Variants in ZFP14 observed in about 807,000 individuals in gnomAD.
The protein encoded by ZFP14 is ZFP14 zinc finger protein, also known as zinc finger protein 14 homolog.
A neutral mutation model predicts 54.5 loss-of-function variants in ZFP14; 22 were observed. That is an observed-to-expected ratio of 0.40 (90% CI 0.29 to 0.58). ZFP14 has a LOEUF of 0.58. Among genes scored for constraint, ZFP14 ranks in the 20% least tolerant of loss-of-function variants. The pLI, the probability that ZFP14 is intolerant of heterozygous loss-of-function variation, is 0.39. For synonymous variants in ZFP14, 159 were observed against 204.0 expected (o/e 0.78, Z 1.88); for missense variants, 470 against 637.8 (o/e 0.74, Z 2.83).
intron 4 of ZFP14, among the ~76,000 whole-genome samples, chr19:36,353,697 CAAA>C (rs35323856): frequency 2.5e-5 from 2 of 80,848 alleles, no homozygotes; most frequent in Non-Finnish European, 4.9e-5. Context: ...GACTCCATCT[CAAA>C]AAAAAAAAAA....
chr19:36,371,584 G>A (rs1600085404), intron 1 of ZFP14, among the ~76,000 whole-genome samples: 1 of 152,076 alleles, frequency 6.6e-6, no homozygotes. Context: ...TAGGATTCAT[G>A]GGACAGCATC....
At chr19:36,375,382 GA>G (rs1191785680) in intron 1 of ZFP14, among the ~76,000 whole-genome samples, 1 of 142,574 alleles carries the variant, frequency 7.0e-6, no homozygotes, top group East Asian at 2.1e-4. Flanking sequence ...AAGCAGGAAG[GA>G]ATTTTTTTTT....
intron 4 of ZFP14, among the ~76,000 whole-genome samples, chr19:36,343,848 A>G (rs2031366848): frequency 6.6e-6 from 1 of 152,114 alleles, no homozygotes; most frequent in African/African-American, 2.4e-5. Flanking sequence ...TTACGAAGCC[A>G]TGTGTCCCAC....
rs751340602 is a variant in ZFP14, at chr19:36,340,504, T to G, written c.1322A>C (p.Gln441Pro). Residue 441 changes from glutamine (Q) to proline (P), a missense_variant, in exon 5 of 5, where the codon CAG becomes CCG. Coordinates refer to ENST00000270001, the MANE Select transcript of ZFP14 (RefSeq NM_020917.3). This position sits in a 1 kb window ranked among gnomAD's most constrained non-coding sequence, Gnocchi z 5.4. The part of the protein sequence containing the change: ...KAFRLLSQLT[Q>P]HQSIHTGEKP... ...CTCACCAGTGTGAATACTTTGATGC[T>G]GAGTAAGTTGTGAGAGCAGTCTAAA... 13 of 1,613,708 alleles carry G rather than the reference T, an allele frequency of 8.1e-6. No individual in the cohort carries two copies. The highest frequency in any genetic ancestry group is 1.1e-5 in the Non-Finnish European group (13 of 1,179,786).
At chr19:36,344,745 T>C (rs2031383543) in intron 4 of ZFP14, among the ~76,000 whole-genome samples, 1 of 152,080 alleles carries the variant, frequency 6.6e-6, no homozygotes, top group African/African-American at 2.4e-5. Context: ...GGGATCTAGG[T>C]TGCACACTCC....
intron 1 of ZFP14, among the ~76,000 whole-genome samples, chr19:36,375,384 ATTTTT>A (rs747537579): frequency 2.3e-5 from 3 of 128,734 alleles, no homozygotes; most frequent in Admixed American, 8.1e-5. Context: ...GCAGGAAGGA[ATTTTT>A]TTTTTTTTTT....
At chr19:36,359,436 T>C (rs2145554548) in intron 4 of ZFP14, among the ~76,000 whole-genome samples, 1 of 152,334 alleles carries the variant, frequency 6.6e-6, no homozygotes, top group African/African-American at 2.4e-5. Context: ...AGATGTTTAA[T>C]AGAATTCACC....
At position 36,362,116 on chromosome 19, in the gene ZFP14, T is replaced by C. The variant is rs58119860; in HGVS notation, c.132A>G (p.Ser44=). ...VMWENYSNFI[S]LGPSISKPDV... is the part of the protein sequence containing the mutation. ...ATTTGGGATAAATAACCTTACCTAG[T>C]GAAATGAAGTTGCTGTAGTTCTCCC... Residue 44 remains serine, a synonymous_variant, in exon 3 of 5, where the codon TCA becomes TCG. Coordinates refer to ENST00000270001, the MANE Select transcript of ZFP14 (RefSeq NM_020917.3). The C allele has an allele frequency of 1.2e-6, 2 of 1,600,138 alleles. No individual in the cohort carries two copies. The highest frequency in any genetic ancestry group is 1.8e-5 in the Admixed American group (1 of 56,524).
rs2145534240 is a variant in ZFP14, at chr19:36,336,611, C to T, written c.*3613G>A. 6.6e-6 allele frequency: 1 copy of T among 152,272 alleles called. No homozygotes were observed. Among genetic ancestry groups the T allele is most frequent in the South Asian group, 2.1e-4 (1 of 4,818 alleles). The allele number at this position is 152,272 out of a possible 1,614,324, so 9.4% of individuals were successfully genotyped here. A position where few individuals can be genotyped will look rare whatever the true frequency, so the allele number is the denominator to read the frequency against. On this transcript the variant is annotated 3_prime_UTR_variant, in exon 5 of 5. Transcript: ENST00000270001. Reference sequence around the variant, plus strand: ...TTCTTGACGGAAATACTTATTCATTCCCTCAACACATTCATCTGTGTGACA... The same window carrying T: ...TTCTTGACGGAAATACTTATTCATTTCCTCAACACATTCATCTGTGTGACA...
At chr19:36,358,893 G>A (rs930565864) in intron 4 of ZFP14, among the ~76,000 whole-genome samples, 2 of 152,088 alleles carry the variant, frequency 1.3e-5, no homozygotes, top group South Asian at 2.1e-4. Flanking sequence ...TGAGTTAATC[G>A]ATTAATGGGT....
intron 1 of ZFP14, among the ~76,000 whole-genome samples, chr19:36,373,453 A>T (rs2031911114): frequency 6.6e-6 from 1 of 152,110 alleles, no homozygotes; most frequent in South Asian, 2.1e-4. Flanking sequence ...ACATAGGAGG[A>T]ATAAGTTCAA....
At position 36,341,450 on chromosome 19, in the gene ZFP14, T is replaced by G; in HGVS notation, c.376A>C (p.Lys126Gln). Residue 126 changes from lysine (K) to glutamine (Q), a missense_variant, in exon 5 of 5, where the codon AAA (lysine) becomes CAA (glutamine). By Grantham distance (53) the Lys-to-Gln change is moderately conservative (BLOSUM62 1). Transcript: ENST00000270001. This position sits in a 1 kb window ranked among gnomAD's most constrained non-coding sequence, Gnocchi z 4.2. ...TCCTTTTCCCCCTCAATCTTGCTTT[T>G]GCATTCCCAATCATTCCTAAAAATG... Reference protein sequence around the residue: ...GSIFRNDWECKSKIEGEKEQQ... With the variant: ...GSIFRNDWECQSKIEGEKEQQ... 2 of 1,614,242 alleles carry G rather than the reference T, an allele frequency of 1.2e-6. No homozygotes were observed. The highest frequency in any genetic ancestry group is 1.7e-6 in the Non-Finnish European group (2 of 1,180,042).
intron 2 of ZFP14, among the ~76,000 whole-genome samples, chr19:36,364,650 C>T (rs1254032192): frequency 6.6e-6 from 1 of 152,118 alleles, no homozygotes; most frequent in African/African-American, 2.4e-5. Context: ...TACATCCCTA[C>T]CCAATCCACC....
At position 36,335,205 on chromosome 19, in the gene ZFP14, G is replaced by A. The variant is rs2031170019; in HGVS notation, c.*5019C>T. The A allele has an allele frequency of 6.6e-6, 1 of 152,124 alleles. No homozygotes were observed. The highest frequency in any genetic ancestry group is 6.6e-5 in the Admixed American group (1 of 15,260). The allele number at this position is 152,124 out of a possible 1,614,324, so 9.4% of individuals were successfully genotyped here. ...AGATGTTTTATGTTTTGCTTCATTT[G>A]CCTATTTTCCCAAGAAATCTTTTTT... On this transcript the variant is annotated 3_prime_UTR_variant, in exon 5 of 5. Transcript: ENST00000270001.
rs1227422129 is a variant in ZFP14, at chr19:36,339,748, T to C, written c.*476A>G. On this transcript the variant is annotated 3_prime_UTR_variant, in exon 5 of 5. Transcript: ENST00000270001. Reference sequence around the variant, plus strand: ...GATGAGACCTCAGCCCTGGCTGAAATCTGTAGCCTTGCAAGAGACCCTGAA... The same window carrying C: ...GATGAGACCTCAGCCCTGGCTGAAACCTGTAGCCTTGCAAGAGACCCTGAA... The C allele has an allele frequency of 6.5e-6, 1 of 153,696 alleles. No individual in the cohort carries two copies. The highest frequency in any genetic ancestry group is 1.4e-5 in the Non-Finnish European group (1 of 69,138). 9.5% of individuals were successfully genotyped at this position (153,696 alleles called of 1,614,324 possible).
At chr19:36,357,748 GT>G (rs113818091) in intron 4 of ZFP14, among the ~76,000 whole-genome samples, 26 of 142,282 alleles carry the variant, frequency 1.8e-4, no homozygotes, top group Admixed American at 4.2e-4. Context: ...TTTGTTTTTT[GT>G]TTTTTTTTTT....
At chr19:36,374,436 G>C (rs1384623094) in intron 1 of ZFP14, among the ~76,000 whole-genome samples, 4 of 149,372 alleles carry the variant, frequency 2.7e-5, no homozygotes, top group Non-Finnish European at 5.9e-5. Context: ...GTTGCAATGA[G>C]CCGATGTCGT....
chr19:36,340,521 C>A lies in ZFP14; in HGVS notation c.1305G>T (p.Leu435=). Residue 435 remains leucine, a synonymous_variant, in exon 5 of 5, where the codon CTG becomes CTT. Coordinates refer to ENST00000270001, the MANE Select transcript of ZFP14 (RefSeq NM_020917.3). This position sits in a 1 kb window ranked among gnomAD's most constrained non-coding sequence, Gnocchi z 5.4. The part of the protein sequence containing the change: ...ECEECGKAFR[L]LSQLTQHQSI... ...TTTGATGCTGAGTAAGTTGTGAGAG[C>A]AGTCTAAAGGCCTTTCCACACTCTT... The A allele has an allele frequency of 6.2e-7, 1 of 1,613,946 alleles. No homozygotes were observed. The highest frequency in any genetic ancestry group is 8.5e-7 in the Non-Finnish European group (1 of 1,179,976).
intron 4 of ZFP14, among the ~76,000 whole-genome samples, chr19:36,343,373 T>C (rs1353803987): frequency 6.6e-6 from 1 of 152,222 alleles, no homozygotes; most frequent in African/African-American, 2.4e-5. Flanking sequence ...CATAGCATAC[T>C]GGCCTCTTTC....
Sources: allele counts gnomAD v4.1 joint callset (sites outside exome capture counted in the v4.1 genomes callset), GRCh38; gene constraint gnomAD v4.1.1; non-coding constraint Gnocchi (gnomAD v3.1); transcripts MANE v1.5; gene names NCBI Gene and HGNC (gene_info 2026-07-23, HGNC 2026-07-21).